The following HEBP1 variants were observed in gnomAD, a reference collection of about 807,000 sequenced individuals.
The protein encoded by HEBP1 is heme binding protein 1.
Under a neutral mutation model 20.4 loss-of-function variants are expected in HEBP1, and 13 were observed. That is an observed-to-expected ratio of 0.64 (90% CI 0.42 to 1.01). The LOEUF (loss-of-function observed/expected upper bound fraction) is 1.01. HEBP1 is among the 50% of genes least tolerant of loss of function. The probability of loss-of-function intolerance (pLI) is 0.00; values close to 1 mark genes in which losing one functional copy is unlikely to be tolerated. For missense variants in HEBP1, 241 were observed against 247.3 expected (o/e 0.97, Z 0.17); for synonymous variants, 92 against 90.7 (o/e 1.01, Z -0.08).
At chr12:12,989,209 C>T in intron 2 of HEBP1, 68 bp downstream of exon 2, 11 of 1,551,722 alleles carry the variant, frequency 7.1e-6, no homozygotes, top group Non-Finnish European at 9.8e-6. Context: ...TTGCATTTAC[C>T]ACTGATGAAG....
intron 1 of HEBP1, among the ~76,000 whole-genome samples, chr12:12,990,368 G>A (rs1642194): frequency 0.74 from 110,567 of 150,328 alleles, 44,461 homozygotes; most frequent in East Asian, 0.98. Flanking sequence ...TTTTTTGGTA[G>A]AGTCTCCCTA....
intron 2 of HEBP1, among the ~76,000 whole-genome samples, chr12:12,988,655 G>A (rs1196808336): frequency 6.6e-6 from 1 of 152,076 alleles, no homozygotes; most frequent in Non-Finnish European, 1.5e-5. Flanking sequence ...GGCTTCTCAC[G>A]AGTCAAACTC....
At chr12:12,994,754 GC>G (rs770685126) in intron 1 of HEBP1, among the ~76,000 whole-genome samples, 12 of 152,144 alleles carry the variant, frequency 7.9e-5, no homozygotes, top group Non-Finnish European at 1.8e-4. Flanking sequence ...ATACAGATGA[GC>G]AAACTGTCCA....
chr12:13,000,254 C>A lies in HEBP1; in HGVS notation c.-140G>T, dbSNP rs1565496105. ...GCAGGGTGGCAGGGCGGCAAGGCGG[C>A]GGGACGGCGAGGCGGCGAGGCGAGA... On this transcript the variant is annotated 5_prime_UTR_variant, in exon 1 of 4. Coordinates refer to ENST00000014930, the MANE Select transcript of HEBP1 (RefSeq NM_015987.5). The A allele has an allele frequency of 2.9e-6, 1 of 344,908 alleles. No individual in the cohort carries two copies. Among genetic ancestry groups the A allele is most frequent in the East Asian group, 4.7e-5 (1 of 21,192 alleles). 21.4% of individuals were successfully genotyped at this position (344,908 alleles called of 1,614,324 possible).
rs1232892852 is a variant in HEBP1 at position 12,975,333 on chromosome 12, T to C, written c.545A>G (p.Asn182Ser). ...DPPMKPYGRR[N>S]EIWLLKT is the part of the protein sequence containing the mutation. ...TCATGTCTTCAACAGCCAGATCTCA[T>C]TGCGCCGTCCGTAGGGCTTCATGGG... is the stretch of plus-strand genomic sequence containing the variant. The change falls in exon 4 of 4, where the codon AAT becomes AGT. Residue 182 changes from asparagine (N) to serine (S), a missense_variant. Physicochemically the swap from Asn to Ser is conservative, Grantham distance 46 (BLOSUM62 1). Transcript: ENST00000014930. 6 of 1,613,828 alleles carry C rather than the reference T, an allele frequency of 3.7e-6. No individual in the cohort carries two copies. Among genetic ancestry groups the C allele is most frequent in the East Asian group, 2.2e-5 (1 of 44,858 alleles).
intron 3 of HEBP1, among the ~76,000 whole-genome samples, chr12:12,976,105 C>T (rs1482596145): frequency 7.1e-6 from 1 of 140,226 alleles, no homozygotes; most frequent in Admixed American, 7.0e-5. Context: ...AAAAACAAAC[C>T]AAAAACCAAA....
chr12:12,999,782 T>C (rs771469849), intron 1 of HEBP1, among the ~76,000 whole-genome samples: 4 of 152,216 alleles, frequency 2.6e-5, no homozygotes, highest in Non-Finnish European at 5.9e-5. Context: ...ACTCCCCAAG[T>C]TGGGATTCTC....
In HEBP1 at chr12:12,975,393, C is replaced by A. The variant is rs370601830; in HGVS notation, c.485G>T (p.Arg162Leu). The stretch of plus-strand genomic sequence containing the variant: ...ACCCGTGCAGAAGTAGATGTCCCCC[C>A]GGTAGGTGGCTGTGCCCTCCAGGGC... ...RAALEGTATY[R>L]GDIYFCTGYD... The change falls in exon 4 of 4, where the codon CGG becomes CTG. Residue 162 changes from arginine (R) to leucine (L), a missense_variant. Coordinates refer to ENST00000014930, the MANE Select transcript of HEBP1 (RefSeq NM_015987.5). 1.2e-6 allele frequency: 2 copies of A among 1,613,786 alleles called. No individual in the cohort carries two copies. Among genetic ancestry groups the A allele is most frequent in the East Asian group, 2.2e-5 (1 of 44,824 alleles).
chr12:12,981,743 A>G (rs1399959426), intron 3 of HEBP1, among the ~76,000 whole-genome samples: 2 of 152,142 alleles, frequency 1.3e-5, no homozygotes, highest in African/African-American at 4.8e-5. Flanking sequence ...CAAGAAATCC[A>G]CTATCTTTTG....
intron 2 of HEBP1, among the ~76,000 whole-genome samples, chr12:12,987,599 T>TCTCTCC (rs1443456566): frequency 1.5e-5 from 2 of 132,594 alleles, no homozygotes; most frequent in African/African-American, 2.6e-5. Flanking sequence ...TTTCTCTCTC[T>TCTCTCC]CTCTCTCTCT....
chr12:12,987,354 G>A, intron 2 of HEBP1, 22 bp from the exon 3 acceptor site: 2 of 1,603,000 alleles, frequency 1.2e-6, no homozygotes, highest in Non-Finnish European at 1.7e-6. Flanking sequence ...AAAGCACAGA[G>A]TGAGGCAGGG....
chr12:12,977,820 G>T (rs1249334521), intron 3 of HEBP1, among the ~76,000 whole-genome samples: 1 of 151,846 alleles, frequency 6.6e-6, no homozygotes, highest in East Asian at 1.9e-4. Context: ...TAAGTTTATT[G>T]TTTATGGTTT....
chr12:12,985,803 C>G (rs1298379490), intron 3 of HEBP1: 1 of 152,070 alleles, frequency 6.6e-6, no homozygotes, highest in East Asian at 1.9e-4. Flanking sequence ...TTAACAAATG[C>G]AAAAGCTAAG....
At position 12,996,929 on chromosome 12, in the gene HEBP1, T is replaced by G. The variant is rs1331840602; in HGVS notation, c.78+3108A>C. ...ACAATTAGCTTCAGAGGGGCTAAGT[T>G]GGCCTGTGACCACACAGCTAGAAAG... On this transcript the variant is annotated intron_variant, in intron 1 of 3. Transcript: ENST00000014930. This position sits in a 1 kb window ranked among gnomAD's most constrained non-coding sequence, Gnocchi z 4.1. Among the ~76,000 whole-genome samples, 1 of 152,236 alleles carries G rather than the reference T, an allele frequency of 6.6e-6. No homozygotes were observed. The highest frequency in any genetic ancestry group is 1.5e-5 in the Non-Finnish European group (1 of 68,040).
chr12:12,983,353 C>G (rs562294213), intron 3 of HEBP1: 15 of 213,166 alleles, frequency 7.0e-5, no homozygotes, highest in South Asian at 5.0e-4. Context: ...GCATTCTATT[C>G]ATCTAAAAGC....
Position 12,987,326 on chromosome 12 carries a change from C to T in HEBP1, c.224G>A (p.Gly75Glu), listed in dbSNP as rs1864165426. 1 of 1,612,098 alleles carries T rather than the reference C, an allele frequency of 6.2e-7. No individual in the cohort carries two copies. Among genetic ancestry groups the T allele is most frequent in the Non-Finnish European group, 8.5e-7 (1 of 1,178,852 alleles). The change falls in exon 3 of 4, where the codon GGG becomes GAG. Residue 75 changes from glycine (G) to glutamate (E), a missense_variant. Gly to Glu is a moderately conservative substitution (Grantham distance 98). Coordinates refer to ENST00000014930, the MANE Select transcript of HEBP1 (RefSeq NM_015987.5). ...GGAAATAGGGACTGTCATCCCCATC[C>T]CAATTCCTGAAAACACAAAAGCACA... ...YAGGTNDKGIGMGMTVPISFA... is the reference protein window; with the variant it reads ...YAGGTNDKGIEMGMTVPISFA...
At chr12:12,999,752 C>T (rs1356738148) in intron 1 of HEBP1, among the ~76,000 whole-genome samples, 2 of 152,244 alleles carry the variant, frequency 1.3e-5, no homozygotes, top group Non-Finnish European at 2.9e-5. Flanking sequence ...CGAAAGAATG[C>T]ATTCAACAGG....
At chr12:12,984,066 A>G (rs1864120634) in intron 3 of HEBP1, 1 of 194,332 alleles carries the variant, frequency 5.1e-6, no homozygotes, top group Non-Finnish European at 1.1e-5. Context: ...ATATGTTTAT[A>G]ATTACACTCA....
intron 3 of HEBP1, among the ~76,000 whole-genome samples, chr12:12,976,093 A>AC (rs773112280): frequency 2.2e-4 from 34 of 151,692 alleles, no homozygotes; most frequent in Middle Eastern, 6.8e-3. Flanking sequence ...AAAAAAAAAA[A>AC]AAAAAACAAA....
Sources: gnomAD v4.1 joint callset for allele counts (sites outside exome capture counted in the v4.1 genomes callset) on GRCh38, gnomAD v4.1.1 for gene constraint, Gnocchi (gnomAD v3.1) non-coding constraint, MANE v1.5 for transcripts, NCBI Gene and HGNC (gene_info 2026-07-23, HGNC 2026-07-21) for gene names.